Variants in TOX observed in about 807,000 individuals in gnomAD.
TOX encodes the protein thymocyte selection-associated high mobility group box protein TOX.
Under a neutral mutation model 53.7 loss-of-function variants are expected in TOX, and 11 were observed. The observed-to-expected ratio is 0.20, with a 90% CI of 0.13 to 0.34. TOX has a LOEUF of 0.34. TOX is among the 10% of genes least tolerant of loss of function. TOX has a pLI of 1.00. For synonymous variants in TOX, 225 were observed against 245.3 expected, an observed-to-expected ratio of 0.92 and a Z score of 0.77; for missense variants, 570 against 664.6, an observed-to-expected ratio of 0.86 and a Z score of 1.56.
intron 1 of TOX, among the ~76,000 whole-genome samples, chr8:59,068,220 T>C (rs889472245): frequency 6.6e-6 from 1 of 152,160 alleles, no homozygotes; most frequent in Non-Finnish European, 1.5e-5. Flanking sequence ...CTCTGAACGG[T>C]GAAAATAATA....
At chr8:59,021,499 TGC>T (rs1279936369) in intron 1 of TOX, among the ~76,000 whole-genome samples, 25 of 109,526 alleles carry the variant, frequency 2.3e-4, no homozygotes, top group East Asian at 8.3e-4. Context: ...TATATATATA[TGC>T]ACATATATAC....
At chr8:59,037,799 C>T (rs1284494138) in intron 1 of TOX, among the ~76,000 whole-genome samples, 1 of 106,562 alleles carries the variant, frequency 9.4e-6, no homozygotes, top group African/African-American at 5.8e-5. Flanking sequence ...GAGACTCCAT[C>T]TCAAAAAAAA....
At chr8:58,856,640 G>A (rs1810921056) in intron 3 of TOX, among the ~76,000 whole-genome samples, 1 of 152,112 alleles carries the variant, frequency 6.6e-6, no homozygotes, top group African/African-American at 2.4e-5. Flanking sequence ...GAGGACATTT[G>A]TAGCTTCCTT....
intron 1 of TOX, among the ~76,000 whole-genome samples, chr8:58,988,456 C>A (rs1813376870): frequency 6.6e-6 from 1 of 152,144 alleles, no homozygotes; most frequent in African/African-American, 2.4e-5. Context: ...AAACCAAAAG[C>A]ATTTACTAGT....
At position 59,102,725 on chromosome 8, in the gene TOX, T is replaced by C. The variant is rs530864718; in HGVS notation, c.102+16161A>G. On this transcript the variant is annotated intron_variant, in intron 1 of 8. Transcript: ENST00000361421. ...ACCATATCAGCATCTAAGAAAGTAA[T>C]TCAGAAGAATCTTGAAAATAGTATC... 2.0e-5 allele frequency among the ~76,000 whole-genome samples: 3 copies of C among 152,148 alleles called. No individual in the cohort carries two copies. The East Asian group carries it at 5.8e-4, about 29-fold the overall frequency.
At chr8:58,910,540 C>T (rs1238145679) in intron 3 of TOX, among the ~76,000 whole-genome samples, 1 of 152,052 alleles carries the variant, frequency 6.6e-6, no homozygotes, top group African/African-American at 2.4e-5. Context: ...TAGCAGGTGG[C>T]TCATATTTTG....
chr8:59,086,816 G>T (rs986908694), intron 1 of TOX, among the ~76,000 whole-genome samples: 1 of 152,084 alleles, frequency 6.6e-6, no homozygotes, highest in African/African-American at 2.4e-5. Context: ...ACTCTCTGAT[G>T]GCTATGCCCA....
In TOX at chr8:59,101,366, T is replaced by C. The variant is rs551644334; in HGVS notation, c.102+17520A>G. On this transcript the variant is annotated intron_variant, in intron 1 of 8. Coordinates refer to ENST00000361421, the MANE Select transcript of TOX (RefSeq NM_014729.3). ...TGAATAAATTAACCAATATCACAAA[T>C]GTCATGCTCCTGGAAGCCTTCTCTG... Among the ~76,000 whole-genome samples, 3 of 152,310 alleles carry C rather than the reference T, an allele frequency of 2.0e-5. No homozygotes were observed. The East Asian group carries it at 5.8e-4, about 29-fold the overall frequency.
At chr8:58,819,753 G>T (rs955087130) in intron 6 of TOX, among the ~76,000 whole-genome samples, 2 of 152,166 alleles carry the variant, frequency 1.3e-5, no homozygotes, top group African/African-American at 4.8e-5. Flanking sequence ...CAAAGCTATT[G>T]TTATTTAAAA....
chr8:58,848,899 G>A (rs1350333598), intron 4 of TOX, among the ~76,000 whole-genome samples: 1 of 152,072 alleles, frequency 6.6e-6, no homozygotes, highest in Non-Finnish European at 1.5e-5. Flanking sequence ...TAAGAGGAAA[G>A]CTTTAAAAGC....
intron 1 of TOX, among the ~76,000 whole-genome samples, chr8:58,990,318 C>A (rs776061377): frequency 3.3e-5 from 5 of 152,108 alleles, no homozygotes; most frequent in Non-Finnish European, 5.9e-5. Context: ...AATTGTCCTG[C>A]TGAGACTTGT....
At chr8:58,923,896 C>T (rs1230793247) in intron 3 of TOX, among the ~76,000 whole-genome samples, 2 of 152,162 alleles carry the variant, frequency 1.3e-5, no homozygotes, top group African/African-American at 4.8e-5. Context: ...ATAGAGTAGA[C>T]ACCCAACGGC....
intron 1 of TOX, among the ~76,000 whole-genome samples, chr8:58,988,254 T>A (rs992815894): frequency 6.6e-6 from 1 of 152,210 alleles, no homozygotes; most frequent in African/African-American, 2.4e-5. Flanking sequence ...AAATAGGTTT[T>A]ATTAATGGGT....
At chr8:59,111,777 G>T (rs896230761) in intron 1 of TOX, among the ~76,000 whole-genome samples, 55 of 152,284 alleles carry the variant, frequency 3.6e-4, no homozygotes, top group African/African-American at 1.3e-3. Flanking sequence ...TTGGCCACTG[G>T]CAAAGCTTCT....
chr8:59,025,152 C>T (rs56218690), intron 1 of TOX, among the ~76,000 whole-genome samples: 4 of 152,052 alleles, frequency 2.6e-5, no homozygotes, highest in Admixed American at 1.3e-4. Flanking sequence ...CAGCCTTGGG[C>T]GAGCCACTCA....
At chr8:59,016,763 A>G (rs1400839221) in intron 1 of TOX, among the ~76,000 whole-genome samples, 1 of 152,272 alleles carries the variant, frequency 6.6e-6, no homozygotes, top group Non-Finnish European at 1.5e-5. Context: ...AGGCCATTTA[A>G]GCTTATGTAA....
intron 1 of TOX, among the ~76,000 whole-genome samples, chr8:59,040,360 A>T (rs981586542): frequency 4.0e-5 from 6 of 150,226 alleles, no homozygotes; most frequent in Admixed American, 2.0e-4. Flanking sequence ...AGAAGCATCA[A>T]TTTCCTTCCA....
At chr8:58,965,769 C>T (rs952951686) in intron 1 of TOX, among the ~76,000 whole-genome samples, 23 of 151,890 alleles carry the variant, frequency 1.5e-4, no homozygotes, top group African/African-American at 5.3e-4. Flanking sequence ...ATGTTTATAA[C>T]AGGGGGTCAA....
intron 4 of TOX, among the ~76,000 whole-genome samples, chr8:58,847,298 T>C (rs1183408955): frequency 6.6e-6 from 1 of 151,982 alleles, no homozygotes; most frequent in Non-Finnish European, 1.5e-5. Flanking sequence ...TTGAACATGC[T>C]TACAAGAATA....
Sources: gnomAD v4.1 joint callset for allele counts (sites outside exome capture counted in the v4.1 genomes callset) on GRCh38, gnomAD v4.1.1 for gene constraint, MANE v1.5 for transcripts, NCBI Gene and HGNC (gene_info 2026-07-23, HGNC 2026-07-21) for gene names.